The following RASSF3 variants were observed in gnomAD, a reference collection of about 807,000 sequenced individuals.
RASSF3 encodes Ras association domain family member 3.
RASSF3 carries 19 observed loss-of-function variants against 19.9 expected under a neutral mutation model. That is an observed-to-expected ratio of 0.96 (90% CI 0.67 to 1.40). RASSF3 has a LOEUF of 1.40. Ranked by LOEUF, RASSF3 falls within the 40% of genes most tolerant of loss-of-function variation. RASSF3 has a pLI of 0.00. For missense variants in RASSF3, 306 were observed against 289.8 expected, an observed-to-expected ratio of 1.06 and a Z score of -0.41; for synonymous variants, 110 against 104.2, an observed-to-expected ratio of 1.06 and a Z score of -0.34.
At chr12:64,580,107 G>A (rs552073213) in intron 2 of RASSF3, among the ~76,000 whole-genome samples, 16 of 152,154 alleles carry the variant, frequency 1.1e-4, no homozygotes, top group African/African-American at 2.2e-4. Flanking sequence ...GAGCCACTGC[G>A]CGCAGCCTTT....
At chr12:64,682,566 C>CAA (rs549058845) in intron 1 of RASSF3, among the ~76,000 whole-genome samples, 15 of 81,316 alleles carry the variant, frequency 1.8e-4, no homozygotes, top group African/African-American at 5.4e-4. Flanking sequence ...GACTCCGTCT[C>CAA]AAAAAAAAAA....
chr12:64,547,296 G>A (rs1386531256), intron 2 of RASSF3, among the ~76,000 whole-genome samples: 1 of 150,106 alleles, frequency 6.7e-6, no homozygotes, highest in Non-Finnish European at 1.5e-5. Flanking sequence ...AGCCAGGCAC[G>A]GTGACTCACG....
intron 1 of RASSF3, among the ~76,000 whole-genome samples, chr12:64,663,838 GCCTTTTTTTT>G (rs938891892): frequency 3.3e-5 from 3 of 90,680 alleles, no homozygotes; most frequent in African/African-American, 1.6e-4. Flanking sequence ...TTTTAGCCTT[GCCTTTTTTTT>G]TTTTTTTTTT....
intron 1 of RASSF3, among the ~76,000 whole-genome samples, chr12:64,673,380 A>G (rs892428039): frequency 6.6e-6 from 1 of 152,114 alleles, no homozygotes; most frequent in Non-Finnish European, 1.5e-5. Flanking sequence ...TTTTCTTACT[A>G]TCCAGTGAAC....
intron 1 of RASSF3, among the ~76,000 whole-genome samples, chr12:64,662,659 C>T (rs1046893112): frequency 6.6e-5 from 10 of 152,132 alleles, no homozygotes; most frequent in East Asian, 3.8e-4. Context: ...ATGGTCTCTG[C>T]GTGTGTATAT....
At chr12:64,543,601 C>G (rs1004847496), downstream of RASSF3, among the ~76,000 whole-genome samples, 9 of 145,346 alleles carry the variant, frequency 6.2e-5, no homozygotes, top group African/African-American at 2.0e-4. Flanking sequence ...TTCCATGGCA[C>G]CCGGTCCCAT....
intron 1 of RASSF3, chr12:64,629,771 C>A (rs1017127212): frequency 6.6e-6 from 1 of 150,994 alleles, no homozygotes; most frequent in African/African-American, 2.4e-5. Context: ...TTGAGACCAG[C>A]CTGGCCAACG....
At chr12:64,546,213 T>C (rs140705581), downstream of RASSF3, among the ~76,000 whole-genome samples, 5 of 152,240 alleles carry the variant, frequency 3.3e-5, no homozygotes, top group East Asian at 5.8e-4. Context: ...AAGTATTAGA[T>C]TATTTCCCAA....
chr12:64,568,636 T>C (rs936603931), intron 2 of RASSF3, among the ~76,000 whole-genome samples: 11 of 152,114 alleles, frequency 7.2e-5, no homozygotes, highest in African/African-American at 2.7e-4. Context: ...TCGGTTCTAC[T>C]GAAAATTTCC....
chr12:64,601,959 T>C (rs1247197029), intron 2 of RASSF3, among the ~76,000 whole-genome samples: 8 of 149,870 alleles, frequency 5.3e-5, no homozygotes. Flanking sequence ...CTACTAAAAA[T>C]ACAAAAAATT....
chr12:64,606,770 A>G (rs144646883), upstream of RASSF3, among the ~76,000 whole-genome samples: 917 of 152,068 alleles, frequency 6.0e-3, 10 homozygotes, highest in African/African-American at 0.021. Context: ...AGCTGAGATC[A>G]TAGCACTGCA....
chr12:64,546,734 G>A (rs918928396), intron 2 of RASSF3, among the ~76,000 whole-genome samples: 19 of 152,192 alleles, frequency 1.2e-4, no homozygotes, highest in Admixed American at 3.9e-4. Context: ...CAAGACCCAG[G>A]ATTTTAGCCT....
intron 1 of RASSF3, among the ~76,000 whole-genome samples, chr12:64,626,084 A>G (rs906524828): frequency 6.6e-6 from 1 of 152,140 alleles, no homozygotes; most frequent in African/African-American, 2.4e-5. Context: ...AATAATTCCA[A>G]ATGCCACTGT....
intron 2 of RASSF3, among the ~76,000 whole-genome samples, chr12:64,551,849 CA>C (rs1451909738): frequency 2.0e-5 from 3 of 152,330 alleles, no homozygotes; most frequent in African/African-American, 7.2e-5. Context: ...CAAAGGTCCA[CA>C]GCTAGTTTTA....
intron 2 of RASSF3, among the ~76,000 whole-genome samples, chr12:64,588,660 A>G (rs1869857622): frequency 6.6e-6 from 1 of 152,310 alleles, no homozygotes; most frequent in Non-Finnish European, 1.5e-5. Flanking sequence ...AATTATATTC[A>G]TAAACAATAT....
intron 4 of RASSF3, among the ~76,000 whole-genome samples, chr12:64,693,662 G>T (rs955116935): frequency 2.6e-5 from 4 of 151,902 alleles, no homozygotes; most frequent in African/African-American, 9.7e-5. Flanking sequence ...TGAACTTCTG[G>T]GCTCAAATGA....
intron 2 of RASSF3, among the ~76,000 whole-genome samples, chr12:64,597,453 A>ATTTTAT (rs1160398023): frequency 3.4e-5 from 5 of 147,294 alleles, no homozygotes; most frequent in Admixed American, 6.8e-5. Context: ...TATTTTATTT[A>ATTTTAT]TTTTATTTTT....
intron 2 of RASSF3, among the ~76,000 whole-genome samples, chr12:64,560,722 T>C (rs1869332414): frequency 1.3e-5 from 2 of 152,220 alleles, no homozygotes; most frequent in African/African-American, 4.8e-5. Flanking sequence ...TCTGAGTTCT[T>C]TGAGAAGCAG....
rs147473484 is a variant in RASSF3 at position 64,694,949 on chromosome 12, C to G, written c.*37C>G. The G allele has an allele frequency of 6.2e-7, 1 of 1,603,660 alleles. No individual in the cohort carries two copies. The highest frequency in any genetic ancestry group is 8.5e-7 in the Non-Finnish European group (1 of 1,174,554). ...CTGCCCGTGAGGCCCGGTGCAGGACCGATGTACAAAACAGCAGCAAGTGCC... is the reference window on the plus strand; with the variant it reads ...CTGCCCGTGAGGCCCGGTGCAGGACGGATGTACAAAACAGCAGCAAGTGCC... On this transcript the variant is annotated 3_prime_UTR_variant, in exon 5 of 5. Coordinates refer to ENST00000542104, the MANE Select transcript of RASSF3 (RefSeq NM_178169.4).
Sources: allele counts gnomAD v4.1 joint callset (sites outside exome capture counted in the v4.1 genomes callset), GRCh38; gene constraint gnomAD v4.1.1; transcripts MANE v1.5; gene names NCBI Gene and HGNC (gene_info 2026-07-23, HGNC 2026-07-21).